REDIC1: variants seen among roughly 807,000 people sequenced by gnomAD.
REDIC1 encodes the protein regulator of DNA class I crossover intermediates 1, also known as HEI10 Interacting Protein 1.
chr12:39,709,727 G>A, the REDIC1 span, among the ~76,000 whole-genome samples: 1 of 151,538 alleles, frequency 6.6e-6, no homozygotes, highest in Non-Finnish European at 1.5e-5. Context: ...CATATTTTCT[G>A]TATCCATTCT....
At chr12:39,659,848 G>A in the REDIC1 span, among the ~76,000 whole-genome samples, 1 of 151,904 alleles carries the variant, frequency 6.6e-6, no homozygotes, top group Non-Finnish European at 1.5e-5. Flanking sequence ...ATGGCTGCTG[G>A]ACATTTTTAT....
the REDIC1 span, chr12:39,626,473 C>A: frequency 7.4e-7 from 1 of 1,348,834 alleles, no homozygotes; most frequent in Admixed American, 2.0e-5. Flanking sequence ...AGGAAAGGGT[C>A]TTTTTATTGT....
At chr12:39,809,091 G>T in the REDIC1 span, among the ~76,000 whole-genome samples, 2 of 152,096 alleles carry the variant, frequency 1.3e-5, no homozygotes, top group African/African-American at 4.8e-5. Flanking sequence ...TGTTTAGGGT[G>T]TAAGAGTTGA....
the REDIC1 span, chr12:39,716,699 G>A: frequency 4.1e-5 from 51 of 1,247,858 alleles, no homozygotes; most frequent in South Asian, 1.3e-4. Flanking sequence ...CCTGGCATAT[G>A]TATGTTGTAG....
At chr12:39,775,658 C>G in the REDIC1 span, among the ~76,000 whole-genome samples, 1,623 of 152,266 alleles carry the variant, frequency 0.011, 25 homozygotes, top group African/African-American at 0.036. Flanking sequence ...CAAGATGTCA[C>G]AAAGTTGGAG....
the REDIC1 span, among the ~76,000 whole-genome samples, chr12:39,698,879 CAAA>C: frequency 2.0e-5 from 3 of 151,944 alleles, no homozygotes; most frequent in Admixed American, 6.5e-5. Context: ...AAGTCTACAT[CAAA>C]AAAGAAGAAA....
chr12:39,826,686 T>C, the REDIC1 span, among the ~76,000 whole-genome samples: 1 of 150,802 alleles, frequency 6.6e-6, no homozygotes, highest in African/African-American at 2.5e-5. Flanking sequence ...CTATGTCATT[T>C]CTCTAAAATT....
At chr12:39,695,276 G>A in the REDIC1 span, among the ~76,000 whole-genome samples, 1 of 152,196 alleles carries the variant, frequency 6.6e-6, no homozygotes, top group Admixed American at 6.5e-5. Context: ...AGTCATGGGG[G>A]TAGAATACCA....
the REDIC1 span, among the ~76,000 whole-genome samples, chr12:39,674,479 A>G: frequency 2.0e-5 from 3 of 152,178 alleles, no homozygotes; most frequent in East Asian, 5.8e-4. Flanking sequence ...CACTGCAGAA[A>G]CATACCAGGA....
the REDIC1 span, among the ~76,000 whole-genome samples, chr12:39,695,758 T>C: frequency 6.6e-6 from 1 of 152,108 alleles, no homozygotes; most frequent in Non-Finnish European, 1.5e-5. Flanking sequence ...TGAGAAAGCA[T>C]AGGCAGTAGC....
chr12:39,690,554 CAT>C, the REDIC1 span, among the ~76,000 whole-genome samples: 3 of 151,910 alleles, frequency 2.0e-5, no homozygotes, highest in South Asian at 2.1e-4. Flanking sequence ...TAGCAATTAA[CAT>C]ATTGAATATG....
chr12:39,811,569 G>T, the REDIC1 span, among the ~76,000 whole-genome samples: 1 of 151,906 alleles, frequency 6.6e-6, no homozygotes, highest in Non-Finnish European at 1.5e-5. Context: ...TTACAGCATG[G>T]GTTATTTAGA....
the REDIC1 span, among the ~76,000 whole-genome samples, chr12:39,773,304 G>C: frequency 6.6e-6 from 1 of 152,164 alleles, no homozygotes; most frequent in Non-Finnish European, 1.5e-5. Context: ...TTTTGGCTGA[G>C]TGAGAGAACT....
the REDIC1 span, among the ~76,000 whole-genome samples, chr12:39,716,427 A>T: frequency 6.6e-6 from 1 of 151,958 alleles, no homozygotes; most frequent in Admixed American, 6.6e-5. Flanking sequence ...TCCTTCCCTC[A>T]GGTTAACACT....
At chr12:39,891,624 G>C in the REDIC1 span, among the ~76,000 whole-genome samples, 1 of 152,084 alleles carries the variant, frequency 6.6e-6, no homozygotes, top group African/African-American at 2.4e-5. Context: ...ATCATTTTCT[G>C]CAGCCTATTA....
chr12:39,667,851 T>C, the REDIC1 span, among the ~76,000 whole-genome samples: 3 of 152,110 alleles, frequency 2.0e-5, no homozygotes, highest in African/African-American at 7.2e-5. Flanking sequence ...GATCTTTGTT[T>C]GTTCAAAGTC....
chr12:39,740,625 G>T, the REDIC1 span, among the ~76,000 whole-genome samples: 3 of 152,118 alleles, frequency 2.0e-5, no homozygotes, highest in Non-Finnish European at 2.9e-5. Context: ...ATATAAATGG[G>T]TCACAGAGAA....
the REDIC1 span, among the ~76,000 whole-genome samples, chr12:39,632,506 A>G: frequency 6.6e-6 from 1 of 152,146 alleles, no homozygotes; most frequent in African/African-American, 2.4e-5. Context: ...ATGTGTATAT[A>G]TTTATATACA....
At chr12:39,697,288 A>G in the REDIC1 span, among the ~76,000 whole-genome samples, 1 of 152,242 alleles carries the variant, frequency 6.6e-6, no homozygotes, top group Non-Finnish European at 1.5e-5. Context: ...AACATGAAGT[A>G]GAAATAAAGA....
Sources: allele counts gnomAD v4.1 joint callset (sites outside exome capture counted in the v4.1 genomes callset), GRCh38; gene constraint gnomAD v4.1.1; transcripts MANE v1.5; gene names NCBI Gene and HGNC (gene_info 2026-07-23, HGNC 2026-07-21).